The following KIRREL3 variants were observed in gnomAD, a reference collection of about 807,000 sequenced individuals.
KIRREL3 encodes the protein kirre like nephrin family adhesion molecule 3.
Under a neutral mutation model 89.7 loss-of-function variants are expected in KIRREL3, and 36 were observed. That is an observed-to-expected ratio of 0.40 (90% CI 0.31 to 0.53). The LOEUF is 0.53. Among genes scored for constraint, KIRREL3 ranks in the 20% least tolerant of loss-of-function variants. The probability of loss-of-function intolerance (pLI) is 0.49; values close to 1 mark genes in which losing one functional copy is unlikely to be tolerated. For missense variants in KIRREL3, 864 were observed against 1,056.6 expected, an observed-to-expected ratio of 0.82 and a Z score of 2.53; for synonymous variants, 445 against 441.4, an observed-to-expected ratio of 1.01 and a Z score of -0.10.
In KIRREL3 at chr11:126,940,725, G is replaced by C. The variant is rs1948412541; in HGVS notation, c.55+59730C>G. 6.6e-6 allele frequency: 1 copy of C among 152,122 alleles called. No homozygotes were observed. The highest frequency in any genetic ancestry group is 1.5e-5 in the Non-Finnish European group (1 of 68,018). The allele number at this position is 152,122 out of a possible 1,614,324, so 9.4% of individuals were successfully genotyped here. On this transcript the variant is annotated intron_variant, in intron 1 of 16. Transcript: ENST00000525144. The surrounding 1 kb of genome is among the most constrained non-coding windows in gnomAD (Gnocchi z 4.6). ...TAGAAGCCTCCAGCTAGAACACTGA[G>C]GAATGACCTCAGAATTCTTCTACTT...
At chr11:126,634,808 T>C (rs1384177498) in intron 1 of KIRREL3, among the ~76,000 whole-genome samples, 1 of 152,142 alleles carries the variant, frequency 6.6e-6, no homozygotes, top group Non-Finnish European at 1.5e-5. Flanking sequence ...CCATCCTCGG[T>C]CCTAGGCTAC....
intron 1 of KIRREL3, among the ~76,000 whole-genome samples, chr11:126,735,388 G>A (rs1358258390): frequency 6.6e-6 from 1 of 152,130 alleles, no homozygotes; most frequent in Non-Finnish European, 1.5e-5. Flanking sequence ...TGACCAACTG[G>A]GGAGACAGAG....
intron 1 of KIRREL3, among the ~76,000 whole-genome samples, chr11:126,661,780 G>A (rs1283515673): frequency 2.0e-5 from 3 of 152,156 alleles, no homozygotes; most frequent in Non-Finnish European, 4.4e-5. Context: ...GGTCAGGGAT[G>A]GGTCCTCTGT....
intron 11 of KIRREL3, chr11:126,440,146 CTT>C (rs1227294976): frequency 1.6e-6 from 1 of 608,120 alleles, no homozygotes; most frequent in Non-Finnish European, 3.1e-6. Context: ...AGTCACTTGT[CTT>C]TTCTCTCCAC....
intron 1 of KIRREL3, among the ~76,000 whole-genome samples, chr11:126,885,126 C>A (rs1208366940): frequency 6.6e-6 from 1 of 152,064 alleles, no homozygotes; most frequent in African/African-American, 2.4e-5. Flanking sequence ...AATATGATGC[C>A]CACAGATGGC....
chr11:126,568,392 T>G lies in KIRREL3; in HGVS notation c.56-5480A>C, dbSNP rs936017946. 6.6e-6 allele frequency among the ~76,000 whole-genome samples: 1 copy of G among 152,228 alleles called. No homozygotes were observed. Among genetic ancestry groups the G allele is most frequent in the Non-Finnish European group, 1.5e-5 (1 of 68,044 alleles). On this transcript the variant is annotated intron_variant, in intron 1 of 16. Transcript: ENST00000525144. This position sits in a 1 kb window ranked among gnomAD's most constrained non-coding sequence, Gnocchi z 4.6. Reference sequence around the variant, plus strand: ...TTGCATCTGCTGCTTCTTCCTGCTCTCTGAAGATGGCCAGAGATCAGAAAG... The same window carrying G: ...TTGCATCTGCTGCTTCTTCCTGCTCGCTGAAGATGGCCAGAGATCAGAAAG...
chr11:126,707,364 G>A (rs1180798646), intron 1 of KIRREL3, among the ~76,000 whole-genome samples: 3 of 148,780 alleles, frequency 2.0e-5, no homozygotes, highest in Non-Finnish European at 4.4e-5. Context: ...AATTTGTCTT[G>A]CTACAAGGGG....
intron 1 of KIRREL3, among the ~76,000 whole-genome samples, chr11:126,927,468 C>T (rs949637700): frequency 1.3e-5 from 2 of 152,178 alleles, no homozygotes; most frequent in African/African-American, 4.8e-5. Context: ...TTGTACTAGG[C>T]TTACATTTTT....
chr11:126,696,278 C>T lies in KIRREL3; in HGVS notation c.56-133366G>A. On this transcript the variant is annotated intron_variant, in intron 1 of 16. Transcript: ENST00000525144. The surrounding 1 kb of genome is among the most constrained non-coding windows in gnomAD (Gnocchi z 4.4). ...TCTCAATTAAAAAAAAAAAAAAAAGCCTGGATGGCCTAGTGCTTCCTTATT... is the reference window on the plus strand; with the variant it reads ...TCTCAATTAAAAAAAAAAAAAAAAGTCTGGATGGCCTAGTGCTTCCTTATT... Among the ~76,000 whole-genome samples the T allele has an allele frequency of 6.6e-6, 1 of 151,110 alleles. No individual in the cohort carries two copies. Among genetic ancestry groups the T allele is most frequent in the Non-Finnish European group, 1.5e-5 (1 of 67,802 alleles).
rs1949953961 is a variant in KIRREL3, at chr11:126,769,520, A to T, written c.56-206608T>A. ...CTAACAGTTAATGAGAACGATAGGTATTGATTTGCATATGATATTCATGCA... is the reference window on the plus strand; with the variant it reads ...CTAACAGTTAATGAGAACGATAGGTTTTGATTTGCATATGATATTCATGCA... On this transcript the variant is annotated intron_variant, in intron 1 of 16. Coordinates refer to ENST00000525144, the MANE Select transcript of KIRREL3 (RefSeq NM_032531.4). The surrounding 1 kb of genome is among the most constrained non-coding windows in gnomAD (Gnocchi z 4.3). Among the ~76,000 whole-genome samples the T allele has an allele frequency of 6.6e-6, 1 of 152,206 alleles. No homozygotes were observed.
At chr11:126,809,987 G>A (rs1202174886) in intron 1 of KIRREL3, among the ~76,000 whole-genome samples, 4 of 152,120 alleles carry the variant, frequency 2.6e-5, no homozygotes, top group South Asian at 2.1e-4. Flanking sequence ...CATGTCATTC[G>A]CCTCAGCTTG....
chr11:126,526,042 CTT>C lies in KIRREL3; in HGVS notation c.283+494_283+495del, dbSNP rs1958740272. ...GAAATTTATTTTTAATACTTCCTGT[CTT>C]TTCTTCCCATCTCATGATGGCTCCT... is the stretch of plus-strand genomic sequence containing the variant. On this transcript the variant is annotated intron_variant, in intron 3 of 16. Transcript: ENST00000525144. The surrounding 1 kb of genome is among the most constrained non-coding windows in gnomAD (Gnocchi z 5.7). Among the ~76,000 whole-genome samples, 1 of 152,182 alleles carries C rather than the reference CTT, an allele frequency of 6.6e-6. No homozygotes were observed. The highest frequency in any genetic ancestry group is 2.4e-5 in the African/African-American group (1 of 41,448).
chr11:126,469,114 C>CGA (rs1406897630), intron 5 of KIRREL3, among the ~76,000 whole-genome samples: 2 of 152,194 alleles, frequency 1.3e-5, no homozygotes, highest in African/African-American at 4.8e-5. Context: ...TGCTGTCGTT[C>CGA]CCATTGTATG....
At chr11:126,452,247 A>G (rs1274595501) in intron 7 of KIRREL3, among the ~76,000 whole-genome samples, 1 of 152,132 alleles carries the variant, frequency 6.6e-6, no homozygotes, top group Non-Finnish European at 1.5e-5. Context: ...TTCCCAACAA[A>G]CCATTATGAG....
rs1208359498 is a variant in KIRREL3 at position 126,666,626 on chromosome 11, C to T, written c.56-103714G>A. On this transcript the variant is annotated intron_variant, in intron 1 of 16. Transcript: ENST00000525144. The surrounding 1 kb of genome is among the most constrained non-coding windows in gnomAD (Gnocchi z 4.2). Reference sequence around the variant, plus strand: ...TCAATGATTTGTGCTGCCTGCTTGTCGAGTCTGTTTACCAACTTGGCTTAT... The same window carrying T: ...TCAATGATTTGTGCTGCCTGCTTGTTGAGTCTGTTTACCAACTTGGCTTAT... Among the ~76,000 whole-genome samples, 3 of 152,156 alleles carry T rather than the reference C, an allele frequency of 2.0e-5. No individual in the cohort carries two copies. The highest frequency in any genetic ancestry group is 7.2e-5 in the African/African-American group (3 of 41,432).
At chr11:126,907,160 T>C (rs934611303) in intron 1 of KIRREL3, among the ~76,000 whole-genome samples, 6 of 152,010 alleles carry the variant, frequency 3.9e-5, no homozygotes, top group African/African-American at 1.5e-4. Context: ...CTACCTACCT[T>C]CCATTTGGAA....
chr11:126,966,556 C>T (rs1392781398), intron 1 of KIRREL3, among the ~76,000 whole-genome samples: 4 of 152,142 alleles, frequency 2.6e-5, no homozygotes, highest in Non-Finnish European at 4.4e-5. Context: ...GGTGTACTCT[C>T]GAAGGAGACC....
chr11:126,696,260 T>TAAA lies in KIRREL3; in HGVS notation c.56-133351_56-133349dup, dbSNP rs569075769. Among the ~76,000 whole-genome samples, 3 of 130,690 alleles carry TAAA rather than the reference T, an allele frequency of 2.3e-5. No homozygotes were observed. Among genetic ancestry groups the TAAA allele is most frequent in the Non-Finnish European group, 5.0e-5 (3 of 60,040 alleles). The allele number at this position is 130,690 out of a possible 152,430, so 85.7% of individuals were successfully genotyped here. A position where few individuals can be genotyped will look rare whatever the true frequency, so the allele number is the denominator to read the frequency against. ...CCACTGAGCGAGACTCTATCTCAAT[T>TAAA]AAAAAAAAAAAAAAAAGCCTGGATG... On this transcript the variant is annotated intron_variant, in intron 1 of 16. Transcript: ENST00000525144. This position sits in a 1 kb window ranked among gnomAD's most constrained non-coding sequence, Gnocchi z 4.4.
At chr11:126,832,611 G>T (rs1251694029) in intron 1 of KIRREL3, among the ~76,000 whole-genome samples, 3 of 152,122 alleles carry the variant, frequency 2.0e-5, no homozygotes, top group Non-Finnish European at 2.9e-5. Context: ...AGCTTGTGCT[G>T]CCACAATATT....
Sources: allele counts gnomAD v4.1 joint callset (sites outside exome capture counted in the v4.1 genomes callset), GRCh38; gene constraint gnomAD v4.1.1; non-coding constraint Gnocchi (gnomAD v3.1); transcripts MANE v1.5; gene names NCBI Gene and HGNC (gene_info 2026-07-23, HGNC 2026-07-21).